CTNNA3: variants seen among roughly 807,000 people sequenced by gnomAD.
CTNNA3 encodes the protein catenin alpha-3.
A neutral mutation model predicts 95.7 loss-of-function variants in CTNNA3; 76 were observed. That is an observed-to-expected ratio of 0.79 (90% CI 0.66 to 0.96). The LOEUF (loss-of-function observed/expected upper bound fraction) is 0.96, where lower values mean the gene tolerates loss of function less well. Ranked by LOEUF, CTNNA3 falls within the 40% of genes least tolerant of loss-of-function variation. The pLI is 0.00. For missense variants in CTNNA3, 1,191 were observed against 1,089.8 expected (o/e 1.09, Z -1.31); for synonymous variants, 431 against 374.4 (o/e 1.15, Z -1.74).
At chr10:66,442,352 G>T (rs1021860608) in intron 11 of CTNNA3, among the ~76,000 whole-genome samples, 4 of 151,208 alleles carry the variant, frequency 2.6e-5, no homozygotes, top group Non-Finnish European at 4.4e-5. Context: ...TATGGATTAG[G>T]TTTTTTTTTC....
intron 13 of CTNNA3, among the ~76,000 whole-genome samples, chr10:66,140,077 G>A (rs1260093767): frequency 6.6e-6 from 1 of 152,150 alleles, no homozygotes; most frequent in Non-Finnish European, 1.5e-5. Flanking sequence ...CAGATATGTT[G>A]AGATTTTGAG....
At chr10:67,565,311 CT>C (rs2133272696) in intron 3 of CTNNA3, among the ~76,000 whole-genome samples, 1 of 148,850 alleles carries the variant, frequency 6.7e-6, no homozygotes, top group Non-Finnish European at 1.5e-5. Context: ...AGAAGTAAAT[CT>C]TATTTACAAT....
intron 12 of CTNNA3, among the ~76,000 whole-genome samples, chr10:66,313,293 G>A (rs868861386): frequency 1.3e-5 from 2 of 152,172 alleles, no homozygotes; most frequent in South Asian, 2.1e-4. Context: ...TGATTCTTTT[G>A]CCTAAGATTT....
intron 5 of CTNNA3, among the ~76,000 whole-genome samples, chr10:67,254,521 C>T (rs552345601): frequency 4.2e-4 from 64 of 152,262 alleles, no homozygotes; most frequent in African/African-American, 1.5e-3. Flanking sequence ...TCTTTCTGAT[C>T]TAAATCTATA....
chr10:66,417,470 C>T lies in CTNNA3; in HGVS notation c.1532-38118G>A, dbSNP rs768149088. On this transcript the variant is annotated intron_variant, in intron 11 of 17. Transcript: ENST00000433211. ...TTATTCTCAGCACTAGACAGATCGT[C>T]TAGAAAGAAAATCAAAAAAGAAACA... Among the ~76,000 whole-genome samples, 154 of 152,012 alleles carry T rather than the reference C, an allele frequency of 1.0e-3. 1 individual carries two copies. Among genetic ancestry groups the T allele is most frequent in the African/African-American group, 3.4e-3 (140 of 41,514 alleles).
At chr10:67,106,849 G>GTAATAA (rs1858665067) in intron 7 of CTNNA3, among the ~76,000 whole-genome samples, 1 of 152,078 alleles carries the variant, frequency 6.6e-6, no homozygotes, top group Non-Finnish European at 1.5e-5. Context: ...TATGCCTCTT[G>GTAATAA]GAAGGTAAGA....
intron 10 of CTNNA3, among the ~76,000 whole-genome samples, chr10:66,541,946 C>T (rs1412977613): frequency 6.6e-6 from 1 of 152,028 alleles, no homozygotes; most frequent in Admixed American, 6.6e-5. Context: ...TCAGAGTGAA[C>T]AGGCAACCTA....
In CTNNA3 at chr10:66,938,842, T is replaced by C. The variant is rs534047629; in HGVS notation, c.1048-163318A>G. 7.3e-4 allele frequency among the ~76,000 whole-genome samples: 111 copies of C among 152,276 alleles called. 1 individual carries two copies. The highest frequency in any genetic ancestry group is 2.6e-3 in the African/African-American group (107 of 41,554). ...AAAAATTGAGACAAAGAAATAATAT[T>C]TAAGTCTAGCTGCGAATACACCTTC... On this transcript the variant is annotated intron_variant, in intron 7 of 17. Transcript: ENST00000433211.
chr10:67,069,231 T>A (rs1200257368), intron 7 of CTNNA3, among the ~76,000 whole-genome samples: 1 of 152,002 alleles, frequency 6.6e-6, no homozygotes, highest in East Asian at 1.9e-4. Context: ...ATGATCAAAG[T>A]ATACCCTTTT....
rs539904211 is a variant in CTNNA3, at chr10:67,741,876, C to T, written c.-2+21558G>A. 2.7e-3 allele frequency among the ~76,000 whole-genome samples: 404 copies of T among 151,298 alleles called. 20 individuals carry two copies. The highest frequency in any genetic ancestry group is 4.4e-3 in the Non-Finnish European group (295 of 67,708). On this transcript the variant is annotated intron_variant, in intron 1 of 17. Transcript: ENST00000684154. Reference sequence around the variant, plus strand: ...CAATCCTAGTCTCTGATAAAACAGACTTTAAACCAACAAAGATCAAAAAAG... The same window carrying T: ...CAATCCTAGTCTCTGATAAAACAGATTTTAAACCAACAAAGATCAAAAAAG...
At chr10:67,562,932 G>T (rs1406337908) in intron 3 of CTNNA3, among the ~76,000 whole-genome samples, 1 of 152,056 alleles carries the variant, frequency 6.6e-6, no homozygotes, top group Non-Finnish European at 1.5e-5. Context: ...CAACTTACAA[G>T]GGATGTGAAG....
intron 1 of CTNNA3, among the ~76,000 whole-genome samples, chr10:67,656,966 G>A (rs1403732313): frequency 6.6e-6 from 1 of 152,106 alleles, no homozygotes; most frequent in Admixed American, 6.5e-5. Flanking sequence ...GAAGTACGAA[G>A]GGCAAAAGAA....
At chr10:66,303,050 C>A (rs2091885544) in intron 12 of CTNNA3, among the ~76,000 whole-genome samples, 1 of 152,096 alleles carries the variant, frequency 6.6e-6, no homozygotes, top group Non-Finnish European at 1.5e-5. Context: ...TAAAAGGGAA[C>A]ACCTTTAATT....
chr10:67,640,547 G>A (rs2133461886), intron 2 of CTNNA3, among the ~76,000 whole-genome samples: 1 of 152,280 alleles, frequency 6.6e-6, no homozygotes, highest in Admixed American at 6.5e-5. Flanking sequence ...GCATTGCCAA[G>A]TCAATCCTAA....
chr10:67,077,476 A>G (rs967093666), intron 7 of CTNNA3, among the ~76,000 whole-genome samples: 3 of 152,026 alleles, frequency 2.0e-5, no homozygotes, highest in Non-Finnish European at 4.4e-5. Flanking sequence ...CTCCAGTCCA[A>G]CCATTCTGGA....
intron 5 of CTNNA3, among the ~76,000 whole-genome samples, chr10:67,222,916 T>C (rs373089229): frequency 1.3e-5 from 2 of 152,354 alleles, no homozygotes; most frequent in East Asian, 3.9e-4. Context: ...GCTCTAATGG[T>C]AGCAATGTGT....
chr10:67,570,993 G>T (rs1458267459), intron 3 of CTNNA3, among the ~76,000 whole-genome samples: 1 of 152,048 alleles, frequency 6.6e-6, no homozygotes, highest in African/African-American at 2.4e-5. Context: ...AAGGATGCTG[G>T]GGCATCCTTA....
At chr10:66,086,839 A>G (rs2133673780) in intron 14 of CTNNA3, among the ~76,000 whole-genome samples, 1 of 152,178 alleles carries the variant, frequency 6.6e-6, no homozygotes, top group African/African-American at 2.4e-5. Flanking sequence ...GCTACTGGTG[A>G]TAGAGTAGTA....
chr10:66,685,204 T>C (rs1416030361), intron 9 of CTNNA3, among the ~76,000 whole-genome samples: 3 of 42,478 alleles, frequency 7.1e-5, no homozygotes, highest in African/African-American at 2.4e-4. Flanking sequence ...TATATATATA[T>C]ACGTATATAT....
Sources: gnomAD v4.1 joint callset for allele counts (sites outside exome capture counted in the v4.1 genomes callset) on GRCh38, gnomAD v4.1.1 for gene constraint, MANE v1.5 for transcripts, NCBI Gene and HGNC (gene_info 2026-07-23, HGNC 2026-07-21) for gene names.